Variants in ANKRD28 observed in about 807,000 individuals in gnomAD.
ANKRD28 encodes the protein serine/threonine-protein phosphatase 6 regulatory ankyrin repeat subunit A.
Under a neutral mutation model 126.5 loss-of-function variants are expected in ANKRD28, and 44 were observed. The ratio of observed to expected loss-of-function variants is 0.35; its 90% CI spans 0.27 to 0.45. The LOEUF (loss-of-function observed/expected upper bound fraction) is 0.45. ANKRD28 is among the 20% of genes least tolerant of loss of function. ANKRD28 has a pLI of 1.00. For missense variants in ANKRD28, 1,110 were observed against 1,316.6 expected (o/e 0.84, Z 2.43); for synonymous variants, 442 against 468.5 (o/e 0.94, Z 0.73).
chr3:15,714,765 G>T, intron 8 of ANKRD28, 109 bp from the exon 9 acceptor site: 1 of 748,296 alleles, frequency 1.3e-6, no homozygotes, highest in Non-Finnish European at 2.0e-6. Flanking sequence ...TATTTTACAT[G>T]AATTAAGTTT....
exon 1 of ANKRD28, chr3:15,859,380 G>A (rs1012846261): frequency 1.0e-5 from 16 of 1,529,004 alleles, no homozygotes; most frequent in East Asian, 2.6e-5. Flanking sequence ...CACCTACCTG[G>A]TCACGGAGTT....
At chr3:15,713,680 A>C (rs762663137) in intron 9 of ANKRD28, 39 bp from the exon 10 acceptor site, 2 of 1,373,952 alleles carry the variant, frequency 1.5e-6, no homozygotes, top group Non-Finnish European at 2.0e-6. Context: ...TGGACCATAT[A>C]AAGATCAGGT....
At position 15,814,193 on chromosome 3, in the gene ANKRD28, C is replaced by T; in HGVS notation, c.28-18887G>A. 9.6e-7 allele frequency: 1 copy of T among 1,044,850 alleles called. No homozygotes were observed. Among genetic ancestry groups the T allele is most frequent in the Non-Finnish European group, 1.2e-6 (1 of 825,762 alleles). The allele number at this position is 1,044,850 out of a possible 1,614,324, so 64.7% of individuals were successfully genotyped here. A position where few individuals can be genotyped will look rare whatever the true frequency, so the allele number is the denominator to read the frequency against. Reference sequence around the variant, plus strand: ...TAAACAGCAACAAACTAACAAATTACAAGAGCTGCCTATATTACTGCAAGA... The same window carrying T: ...TAAACAGCAACAAACTAACAAATTATAAGAGCTGCCTATATTACTGCAAGA... On this transcript the variant is annotated intron_variant, in intron 1 of 27. Transcript: ENST00000399451. This position sits in a 1 kb window ranked among gnomAD's most constrained non-coding sequence, Gnocchi z 4.7.
Position 15,827,671 on chromosome 3 carries a change from T to C in ANKRD28, c.27+31706A>G, listed in dbSNP as rs146518848. 1.6e-4 allele frequency among the ~76,000 whole-genome samples: 24 copies of C among 152,228 alleles called. No homozygotes were observed. In the East Asian group the frequency reaches 3.3e-3, roughly 21 times the overall value. On this transcript the variant is annotated intron_variant, in intron 1 of 27. Coordinates refer to the ANKRD28 transcript ENST00000399451. ...AACACAGGGGAAAAGCTTCATGACA[T>C]TGGATTTGGCAGTGATTCCTTGGCT... is the stretch of plus-strand genomic sequence containing the variant.
intron 1 of ANKRD28, among the ~76,000 whole-genome samples, chr3:15,826,844 T>TA (rs965644842): frequency 2.0e-5 from 3 of 152,158 alleles, no homozygotes; most frequent in Non-Finnish European, 2.9e-5. Context: ...ACTAAAGCCA[T>TA]GAAAGTGCAA....
chr3:15,789,891 G>A (rs1424379101), intron 2 of ANKRD28, among the ~76,000 whole-genome samples: 2 of 151,766 alleles, frequency 1.3e-5, no homozygotes, highest in South Asian at 2.1e-4. Context: ...GAAAAAAAGA[G>A]AAGAAGATCC....
intron 1 of ANKRD28, among the ~76,000 whole-genome samples, chr3:15,840,887 T>C (rs935192684): frequency 1.1e-4 from 17 of 152,198 alleles, no homozygotes; most frequent in African/African-American, 3.9e-4. Flanking sequence ...ACGCCTGTAA[T>C]CCCAGCACTT....
intron 2 of ANKRD28, among the ~76,000 whole-genome samples, chr3:15,793,744 GTAA>G (rs1278958947): frequency 1.3e-5 from 2 of 152,092 alleles, no homozygotes; most frequent in South Asian, 2.1e-4. Flanking sequence ...TATACCCTGG[GTAA>G]AGTAGCCAGA....
intron 17 of ANKRD28, among the ~76,000 whole-genome samples, chr3:15,690,434 TA>T (rs2068639162): frequency 6.6e-6 from 1 of 152,242 alleles, no homozygotes; most frequent in Non-Finnish European, 1.5e-5. Context: ...ATTCTAAAAA[TA>T]ATACAAGTTC....
At chr3:15,716,926 C>T (rs2073144382) in intron 8 of ANKRD28, among the ~76,000 whole-genome samples, 1 of 152,134 alleles carries the variant, frequency 6.6e-6, no homozygotes, top group South Asian at 2.1e-4. Flanking sequence ...GGTGCCACTG[C>T]ACTCTGGGCT....
chr3:15,802,178 T>C (rs2060476733), upstream of ANKRD28, among the ~76,000 whole-genome samples: 1 of 152,182 alleles, frequency 6.6e-6, no homozygotes, highest in African/African-American at 2.4e-5. Flanking sequence ...AGGTGTTGTG[T>C]GCCTTTCAGA....
intron 6 of ANKRD28, among the ~76,000 whole-genome samples, chr3:15,727,292 C>T (rs959415324): frequency 2.0e-5 from 3 of 151,996 alleles, no homozygotes; most frequent in Non-Finnish European, 1.5e-5. Context: ...TAAGAACATA[C>T]CTGGCCAGGT....
At chr3:15,783,070 A>G (rs764799150) in intron 2 of ANKRD28, among the ~76,000 whole-genome samples, 1 of 152,068 alleles carries the variant, frequency 6.6e-6, no homozygotes, top group African/African-American at 2.4e-5. Flanking sequence ...GAGATCCATA[A>G]AAGAATTGAT....
rs2072590946 is a variant in ANKRD28 at position 15,713,441 on chromosome 3, T to A, written c.1190+86A>T. 11 of 1,018,960 alleles carry A rather than the reference T, an allele frequency of 1.1e-5. No individual in the cohort carries two copies. In the South Asian group the frequency reaches 1.7e-4, roughly 15 times the overall value. The allele number at this position is 1,018,960 out of a possible 1,614,324, so 63.1% of individuals were successfully genotyped here. A position where few individuals can be genotyped will look rare whatever the true frequency, so the allele number is the denominator to read the frequency against. ...TACAACATTGAGGATAAAATCCACA[T>A]TTCCACGTGAAATGTCTAGAAAACT... is the stretch of plus-strand genomic sequence containing the variant. On this transcript the variant is annotated intron_variant, in intron 10 of 27. Coordinates refer to ENST00000683139, the MANE Select transcript of ANKRD28 (RefSeq NM_001349278.2).
Position 15,839,449 on chromosome 3 carries a change from A to G in ANKRD28, c.27+19928T>C, listed in dbSNP as rs750731405. The stretch of plus-strand genomic sequence containing the variant: ...ATTTTCTGACATGTTGATTCAGCAC[A>G]CAGGAACACCAAACCAATGAAAACT... On this transcript the variant is annotated intron_variant, in intron 1 of 27. Transcript: ENST00000399451. The surrounding 1 kb of genome is among the most constrained non-coding windows in gnomAD (Gnocchi z 4.3). 5.3e-5 allele frequency among the ~76,000 whole-genome samples: 8 copies of G among 152,208 alleles called. No homozygotes were observed. The highest frequency in any genetic ancestry group is 1.2e-4 in the Non-Finnish European group (8 of 68,042).
In ANKRD28 at chr3:15,846,282, A is replaced by G. The variant is rs1470653679; in HGVS notation, c.27+13095T>C. The stretch of plus-strand genomic sequence containing the variant: ...TCCAATGGGAGACACTGGCCAAAAC[A>G]AAGAGGCTACTGGCCCCATGCAAGT... On this transcript the variant is annotated intron_variant, in intron 1 of 27. Transcript: ENST00000399451. This position sits in a 1 kb window ranked among gnomAD's most constrained non-coding sequence, Gnocchi z 5.4. Among the ~76,000 whole-genome samples the G allele has an allele frequency of 1.3e-5, 2 of 152,216 alleles. No individual in the cohort carries two copies. The highest frequency in any genetic ancestry group is 2.9e-5 in the Non-Finnish European group (2 of 68,038).
chr3:15,667,948 C>T lies in ANKRD28; in HGVS notation c.*2322G>A, dbSNP rs956981399. ...GTGTCAAATGAGTCCTTCTGGAAAT[C>T]ACTTCAGCAGAGAAGTCAAACAGCC... On this transcript the variant is annotated 3_prime_UTR_variant, in exon 28 of 28. Coordinates refer to ENST00000683139, the MANE Select transcript of ANKRD28 (RefSeq NM_001349278.2). The T allele has an allele frequency of 6.6e-6, 1 of 152,172 alleles. No homozygotes were observed. Among genetic ancestry groups the T allele is most frequent in the Admixed American group, 6.5e-5 (1 of 15,268 alleles). The allele number at this position is 152,172 out of a possible 1,614,324, so 9.4% of individuals were successfully genotyped here.
chr3:15,762,197 AAAAAAAAAAAAAAAAACAAAAC>A (rs1231988828), intron 3 of ANKRD28, among the ~76,000 whole-genome samples: 7 of 30,756 alleles, frequency 2.3e-4, no homozygotes, highest in Admixed American at 1.4e-3. Context: ...TTAAAAAAAA[AAAAAAAAAAAAAAAAACAAAAC>A]AAAAAAAAAA....
intron 23 of ANKRD28, among the ~76,000 whole-genome samples, 178 bp downstream of exon 23, chr3:15,679,123 C>A (rs1280118035): frequency 2.0e-5 from 3 of 151,580 alleles, no homozygotes; most frequent in Non-Finnish European, 4.4e-5. Context: ...CACAGGCATG[C>A]ATCATCATGC....
Sources: gnomAD v4.1 joint callset for allele counts (sites outside exome capture counted in the v4.1 genomes callset) on GRCh38, gnomAD v4.1.1 for gene constraint, Gnocchi (gnomAD v3.1) non-coding constraint, MANE v1.5 for transcripts, NCBI Gene and HGNC (gene_info 2026-07-23, HGNC 2026-07-21) for gene names.